The following CTNNA2 variants were observed in gnomAD, a reference collection of about 807,000 sequenced individuals.
CTNNA2 encodes catenin alpha 2, also known as catenin alpha-2.
Under a neutral mutation model 101.0 loss-of-function variants are expected in CTNNA2, and 42 were observed. The observed-to-expected ratio is 0.42, with a 90% CI of 0.32 to 0.54. The LOEUF (loss-of-function observed/expected upper bound fraction) is 0.54. Among genes scored for constraint, CTNNA2 ranks in the 20% least tolerant of loss-of-function variants. CTNNA2 has a pLI of 0.14. For missense variants in CTNNA2, 871 were observed against 1,223.1 expected (o/e 0.71, Z 4.29); for synonymous variants, 450 against 456.4 (o/e 0.99, Z 0.18).
At chr2:79,702,026 T>A (rs13400103) in intron 2 of CTNNA2, among the ~76,000 whole-genome samples, 34,467 of 136,864 alleles carry the variant, frequency 0.25, 4,578 homozygotes, top group East Asian at 0.49. Flanking sequence ...AAAAAAAGAC[T>A]GATGTGGAAA....
chr2:80,008,209 GT>G (rs1452657219), intron 7 of CTNNA2, among the ~76,000 whole-genome samples: 2 of 152,192 alleles, frequency 1.3e-5, no homozygotes, highest in African/African-American at 4.8e-5. Context: ...TACTTTTGCA[GT>G]TACCTCTTTG....
intron 2 of CTNNA2, among the ~76,000 whole-genome samples, chr2:79,211,718 AT>A (rs1254583298): frequency 6.6e-6 from 1 of 152,212 alleles, no homozygotes; most frequent in African/African-American, 2.4e-5. Flanking sequence ...TGCAGGTCAC[AT>A]GGGATATGAT....
chr2:80,478,364 A>G (rs1482560790), intron 9 of CTNNA2, among the ~76,000 whole-genome samples: 1 of 151,832 alleles, frequency 6.6e-6, no homozygotes, highest in African/African-American at 2.4e-5. Context: ...TCTGTTGATT[A>G]TTTCTTTTGC....
intron 9 of CTNNA2, among the ~76,000 whole-genome samples, chr2:80,489,114 G>A (rs551200177): frequency 6.6e-6 from 1 of 152,096 alleles, no homozygotes; most frequent in East Asian, 1.9e-4. Context: ...TTTTATGCTG[G>A]TCAGATTTCC....
chr2:80,020,975 T>C (rs1694513133), intron 7 of CTNNA2, among the ~76,000 whole-genome samples: 2 of 151,588 alleles, frequency 1.3e-5, no homozygotes, highest in South Asian at 4.1e-4. Context: ...GGTTGAAATT[T>C]TTGGAATGAC....
intron 2 of CTNNA2, among the ~76,000 whole-genome samples, chr2:79,730,379 A>C (rs1687122546): frequency 6.6e-6 from 1 of 152,086 alleles, no homozygotes; most frequent in African/African-American, 2.4e-5. Flanking sequence ...TGAACAATAG[A>C]AGGATGAGAT....
rs185423032 is a variant in CTNNA2 at position 80,517,904 on chromosome 2, C to T, written c.1291-27078C>T. On this transcript the variant is annotated intron_variant, in intron 9 of 18. Coordinates refer to ENST00000402739, the MANE Select transcript of CTNNA2 (RefSeq NM_001282597.3). ...GATCAGAGTGTATTGAAAACATTGG[C>T]TTGTCAGTATGGATCACACTAACCA... Among the ~76,000 whole-genome samples the T allele has an allele frequency of 7.5e-4, 114 of 152,274 alleles. No homozygotes were observed. The Middle Eastern group carries it at 0.01, about 14-fold the overall frequency.
intron 7 of CTNNA2, among the ~76,000 whole-genome samples, chr2:80,043,177 CCTTCCTTT>C (rs1286889056): frequency 1.3e-3 from 95 of 75,592 alleles, no homozygotes; most frequent in African/African-American, 5.7e-3. Context: ...TTCCTTCCTT[CCTTCCTTT>C]CTTTCTTTCT....
intron 3 of CTNNA2, among the ~76,000 whole-genome samples, chr2:79,855,577 T>C (rs1190299234): frequency 6.6e-6 from 1 of 152,170 alleles, no homozygotes; most frequent in East Asian, 1.9e-4. Flanking sequence ...CTTCAAGTAG[T>C]GCACAAGCTC....
intron 7 of CTNNA2, among the ~76,000 whole-genome samples, chr2:80,359,070 A>T (rs2149313241): frequency 6.6e-6 from 1 of 151,572 alleles, no homozygotes; most frequent in Admixed American, 6.6e-5. Context: ...AAAACAAAAC[A>T]AAACAAAAAA....
intron 7 of CTNNA2, among the ~76,000 whole-genome samples, chr2:80,246,780 G>A (rs549311836): frequency 1.1e-4 from 17 of 152,232 alleles, no homozygotes; most frequent in South Asian, 4.2e-4. Context: ...GATTACTCAG[G>A]CACCACTTCT....
At chr2:79,316,029 TG>T (rs1414662283) in intron 3 of CTNNA2, among the ~76,000 whole-genome samples, 1 of 152,146 alleles carries the variant, frequency 6.6e-6, no homozygotes, top group Non-Finnish European at 1.5e-5. Flanking sequence ...GTGCATTTTT[TG>T]GTGTTTTATC....
intron 3 of CTNNA2, among the ~76,000 whole-genome samples, chr2:79,322,649 A>C (rs1001140133): frequency 2.0e-5 from 3 of 152,190 alleles, no homozygotes; most frequent in African/African-American, 7.2e-5. Flanking sequence ...ATCCACTTCT[A>C]TGACAATGTT....
intron 7 of CTNNA2, among the ~76,000 whole-genome samples, chr2:80,223,156 CA>C (rs1238314462): frequency 2.0e-5 from 3 of 152,126 alleles, no homozygotes; most frequent in African/African-American, 7.2e-5. Flanking sequence ...AAAGATCAGG[CA>C]AATTGAGTTA....
intron 7 of CTNNA2, among the ~76,000 whole-genome samples, chr2:80,172,767 T>G (rs544703995): frequency 1.3e-5 from 2 of 152,162 alleles, no homozygotes; most frequent in Non-Finnish European, 2.9e-5. Context: ...ATTGGCAGTC[T>G]TTACGTCCCT....
chr2:80,365,122 T>C (rs1674798658), intron 7 of CTNNA2, among the ~76,000 whole-genome samples: 2 of 152,172 alleles, frequency 1.3e-5, no homozygotes, highest in African/African-American at 4.8e-5. Context: ...AAATGGCATC[T>C]ATTTGGGGTT....
chr2:79,856,218 C>T (rs920653879), intron 3 of CTNNA2, among the ~76,000 whole-genome samples: 1 of 152,228 alleles, frequency 6.6e-6, no homozygotes, highest in Non-Finnish European at 1.5e-5. Flanking sequence ...AAAAATCCAA[C>T]AGTGCAATAT....
intron 7 of CTNNA2, among the ~76,000 whole-genome samples, chr2:79,993,301 T>C (rs1486051175): frequency 6.6e-6 from 1 of 152,226 alleles, no homozygotes; most frequent in Non-Finnish European, 1.5e-5. Context: ...CAGCATGGTA[T>C]GCACTGAAGT....
intron 4 of CTNNA2, among the ~76,000 whole-genome samples, chr2:79,441,531 CA>C: frequency 6.6e-6 from 1 of 152,240 alleles, no homozygotes; most frequent in South Asian, 2.1e-4. Flanking sequence ...TTACATCATT[CA>C]AACCACCAGG....
Sources: allele counts gnomAD v4.1 joint callset (sites outside exome capture counted in the v4.1 genomes callset), GRCh38; gene constraint gnomAD v4.1.1; transcripts MANE v1.5; gene names NCBI Gene and HGNC (gene_info 2026-07-23, HGNC 2026-07-21).